The following MACROD2 variants were observed in gnomAD, a reference collection of about 807,000 sequenced individuals.
MACROD2 encodes mono-ADP ribosylhydrolase 2.
Under a neutral mutation model 70.4 loss-of-function variants are expected in MACROD2, and 36 were observed. The ratio of observed to expected loss-of-function variants is 0.51; its 90% CI spans 0.39 to 0.68. MACROD2 has a LOEUF of 0.68. Ranked by LOEUF, MACROD2 falls within the 30% of genes least tolerant of loss-of-function variation. The pLI is 0.00. For synonymous variants in MACROD2, 172 were observed against 178.8 expected, an observed-to-expected ratio of 0.96 and a Z score of 0.30; for missense variants, 496 against 538.4, an observed-to-expected ratio of 0.92 and a Z score of 0.78.
intron 3 of MACROD2, among the ~76,000 whole-genome samples, chr20:14,366,553 G>C (rs2083275182): frequency 6.6e-6 from 1 of 151,466 alleles, no homozygotes; most frequent in Admixed American, 6.6e-5. Context: ...TTTTAGTAGA[G>C]ATGGGGTTTC....
At chr20:15,967,681 G>GAAAA (rs11467891) in intron 13 of MACROD2, 51 bp downstream of exon 13, 118 of 417,234 alleles carry the variant, frequency 2.8e-4, no homozygotes, top group South Asian at 5.7e-4. Context: ...CTGGGAAACA[G>GAAAA]AAAAAAAAAA....
At chr20:14,935,507 C>T (rs1249570910) in intron 5 of MACROD2, 1 of 152,146 alleles carries the variant, frequency 6.6e-6, no homozygotes. Context: ...AAAACTCAGG[C>T]ATCTGGGATC....
intron 5 of MACROD2, among the ~76,000 whole-genome samples, chr20:15,096,530 C>G (rs1462678286): frequency 7.1e-6 from 1 of 141,120 alleles, no homozygotes; most frequent in Non-Finnish European, 1.6e-5. Flanking sequence ...TTTTTTGAGA[C>G]AGAGTCTTGC....
intron 5 of MACROD2, among the ~76,000 whole-genome samples, chr20:14,749,223 G>A (rs6110421): frequency 0.4 from 61,443 of 151,770 alleles, 13,835 homozygotes; most frequent in Non-Finnish European, 0.51. Context: ...CAGCTCGTAC[G>A]TCATATGCTA....
intron 5 of MACROD2, among the ~76,000 whole-genome samples, chr20:14,764,338 C>T (rs1600639774): frequency 6.6e-6 from 1 of 152,032 alleles, no homozygotes; most frequent in South Asian, 2.1e-4. Context: ...TTTGCTCTTG[C>T]CGTCCTCTTG....
At chr20:15,667,663 A>C (rs902772762) in intron 8 of MACROD2, among the ~76,000 whole-genome samples, 2 of 152,116 alleles carry the variant, frequency 1.3e-5, no homozygotes, top group African/African-American at 2.4e-5. Flanking sequence ...ATATCATCTA[A>C]TACCCAGCCA....
intron 8 of MACROD2, among the ~76,000 whole-genome samples, chr20:15,559,226 CAAAAAAAAAAAA>C (rs148608040): frequency 4.6e-5 from 2 of 43,246 alleles, no homozygotes. Context: ...AACTCCGTCT[CAAAAAAAAAAAA>C]AAAAAAAAAA....
At chr20:14,791,258 G>A (rs1427148602) in intron 5 of MACROD2, among the ~76,000 whole-genome samples, 1 of 152,136 alleles carries the variant, frequency 6.6e-6, no homozygotes, top group African/African-American at 2.4e-5. Flanking sequence ...TTGAGACTCA[G>A]TATGTACTGC....
intron 3 of MACROD2, among the ~76,000 whole-genome samples, chr20:14,282,560 G>T (rs1422822042): frequency 6.6e-6 from 1 of 152,216 alleles, no homozygotes; most frequent in Non-Finnish European, 1.5e-5. Context: ...TTAAAGGCTT[G>T]TATTCGGCCA....
At chr20:14,794,791 T>A (rs978395715) in intron 5 of MACROD2, among the ~76,000 whole-genome samples, 1 of 152,112 alleles carries the variant, frequency 6.6e-6, no homozygotes, top group Non-Finnish European at 1.5e-5. Flanking sequence ...CGCCAAGGTC[T>A]CAGCATGCAG....
At chr20:15,886,310 A>G (rs1337886200) in intron 10 of MACROD2, among the ~76,000 whole-genome samples, 2 of 152,238 alleles carry the variant, frequency 1.3e-5, no homozygotes, top group East Asian at 3.9e-4. Context: ...GGCCACCTTT[A>G]TGTGGCCTGG....
At chr20:15,543,372 C>A (rs1489546488) in intron 8 of MACROD2, among the ~76,000 whole-genome samples, 1 of 152,116 alleles carries the variant, frequency 6.6e-6, no homozygotes, top group East Asian at 1.9e-4. Context: ...GCTTTTGATA[C>A]ATGATAGAAT....
At chr20:15,611,632 T>C (rs1051214042) in intron 8 of MACROD2, among the ~76,000 whole-genome samples, 3 of 151,928 alleles carry the variant, frequency 2.0e-5, no homozygotes, top group Non-Finnish European at 4.4e-5. Flanking sequence ...TGATGTTCTC[T>C]TGTGATTAAT....
At chr20:15,040,424 G>A (rs191301547) in intron 5 of MACROD2, among the ~76,000 whole-genome samples, 172 of 152,112 alleles carry the variant, frequency 1.1e-3, no homozygotes, top group Non-Finnish European at 2.3e-3. Context: ...GGTGACAATG[G>A]TTTACTCTCT....
At chr20:15,847,767 C>A (rs2064249893) in intron 8 of MACROD2, among the ~76,000 whole-genome samples, 2 of 152,106 alleles carry the variant, frequency 1.3e-5, no homozygotes, top group African/African-American at 4.8e-5. Context: ...CATATACCCC[C>A]AGTGAGAAAG....
chr20:14,253,309 G>A (rs1028007431), intron 3 of MACROD2, among the ~76,000 whole-genome samples: 12 of 151,874 alleles, frequency 7.9e-5, no homozygotes, highest in African/African-American at 2.9e-4. Context: ...CAAAAGAAAT[G>A]TTTTAACATA....
intron 3 of MACROD2, among the ~76,000 whole-genome samples, chr20:14,265,093 T>C (rs905609344): frequency 1.3e-5 from 2 of 152,254 alleles, no homozygotes; most frequent in African/African-American, 4.8e-5. Flanking sequence ...CATTCAAATA[T>C]ATTACACTTG....
At chr20:14,359,711 C>T (rs2122715783) in intron 3 of MACROD2, among the ~76,000 whole-genome samples, 1 of 151,978 alleles carries the variant, frequency 6.6e-6, no homozygotes, top group East Asian at 1.9e-4. Flanking sequence ...TCTCTACAAA[C>T]ATTAGCCTGA....
intron 4 of MACROD2, among the ~76,000 whole-genome samples, chr20:14,618,238 G>A (rs1438787486): frequency 2.6e-5 from 4 of 152,048 alleles, no homozygotes; most frequent in Non-Finnish European, 5.9e-5. Flanking sequence ...ATTCAAAATA[G>A]CAGTTGCTTT....
Sources: gnomAD v4.1 joint callset for allele counts (sites outside exome capture counted in the v4.1 genomes callset) on GRCh38, gnomAD v4.1.1 for gene constraint, MANE v1.5 for transcripts, NCBI Gene and HGNC (gene_info 2026-07-23, HGNC 2026-07-21) for gene names.